The following PRKG2 variants were observed in gnomAD, a reference collection of about 807,000 sequenced individuals.
PRKG2 encodes the protein protein kinase cGMP-dependent 2.
In PRKG2, 33 loss-of-function variants were observed where a neutral mutation model predicts 97.2. The ratio of observed to expected loss-of-function variants is 0.34; its 90% CI spans 0.26 to 0.45. The LOEUF is 0.45. Ranked by LOEUF, PRKG2 falls within the 20% of genes least tolerant of loss-of-function variation. PRKG2 has a pLI of 1.00. For missense variants in PRKG2, 638 were observed against 900.0 expected (o/e 0.71, Z 3.73); for synonymous variants, 330 against 321.8 (o/e 1.03, Z -0.27).
chr4:81,111,603 A>G (rs1362007806), intron 14 of PRKG2, among the ~76,000 whole-genome samples: 3 of 151,670 alleles, frequency 2.0e-5, no homozygotes, highest in East Asian at 3.9e-4. Context: ...AGGATTAGGA[A>G]CTCTCCCAGG....
intron 6 of PRKG2, among the ~76,000 whole-genome samples, chr4:81,163,782 T>C (rs75321822): frequency 0.11 from 16,541 of 152,020 alleles, 1,100 homozygotes; most frequent in Middle Eastern, 0.2. Context: ...ATCTTCTTTA[T>C]AAGTATCTTG....
At chr4:81,179,335 G>C (rs1020339950) in intron 2 of PRKG2, among the ~76,000 whole-genome samples, 1 of 152,060 alleles carries the variant, frequency 6.6e-6, no homozygotes, top group African/African-American at 2.4e-5. Flanking sequence ...ACTTTCAAAT[G>C]ACTAACTTAC....
At chr4:81,166,064 T>C (rs898039153) in intron 6 of PRKG2, among the ~76,000 whole-genome samples, 1 of 152,052 alleles carries the variant, frequency 6.6e-6, no homozygotes. Context: ...GGCTAAGCAA[T>C]CTTCTTGAAA....
intron 2 of PRKG2, among the ~76,000 whole-genome samples, chr4:81,189,553 T>C (rs373189599): frequency 8.0e-5 from 12 of 149,522 alleles, no homozygotes; most frequent in African/African-American, 2.3e-4. Context: ...TAGGTGGGAA[T>C]TGAACAATGA....
At chr4:81,129,073 C>G (rs1158419744) in intron 14 of PRKG2, among the ~76,000 whole-genome samples, 1 of 152,114 alleles carries the variant, frequency 6.6e-6, no homozygotes, top group Admixed American at 6.6e-5. Flanking sequence ...TTGTTATTTA[C>G]CCAGTAGTCA....
intron 17 of PRKG2, among the ~76,000 whole-genome samples, chr4:81,102,699 C>G (rs1236860513): frequency 6.6e-6 from 1 of 152,018 alleles, no homozygotes; most frequent in Non-Finnish European, 1.5e-5. Context: ...AGGCAGAGCT[C>G]AATATGAATT....
intron 14 of PRKG2, among the ~76,000 whole-genome samples, chr4:81,118,606 G>A (rs1036603189): frequency 6.6e-6 from 1 of 152,126 alleles, no homozygotes; most frequent in Admixed American, 6.5e-5. Flanking sequence ...GTGGTGAGGT[G>A]TCTCTTCAGG....
rs1741289143 is a variant in PRKG2 at position 81,088,774 on chromosome 4, A to G, written c.*934T>C. On this transcript the variant is annotated 3_prime_UTR_variant, in exon 19 of 19. Transcript: ENST00000264399. Reference sequence around the variant, plus strand: ...CGATGATTCTATACAATTTTGGTTTATTAATAGCAACTATCACAGAATTTT... The same window carrying G: ...CGATGATTCTATACAATTTTGGTTTGTTAATAGCAACTATCACAGAATTTT... 1 of 152,226 alleles carries G rather than the reference A, an allele frequency of 6.6e-6. No homozygotes were observed. Among genetic ancestry groups the G allele is most frequent in the Admixed American group, 6.5e-5 (1 of 15,278 alleles). 9.4% of individuals were successfully genotyped at this position (152,226 alleles called of 1,614,324 possible).
intron 2 of PRKG2, among the ~76,000 whole-genome samples, chr4:81,189,873 A>G (rs1009556762): frequency 6.6e-6 from 1 of 152,166 alleles, no homozygotes; most frequent in Admixed American, 6.6e-5. Context: ...CTTACAAGGG[A>G]TGTGAAGGAC....
At position 81,171,258 on chromosome 4, in the gene PRKG2, G is replaced by T. The variant is rs369929395; in HGVS notation, c.742+433C>A. Among the ~76,000 whole-genome samples, 51 of 151,036 alleles carry T rather than the reference G, an allele frequency of 3.4e-4. 1 individual carries two copies. The South Asian group carries it at 0.011, about 32-fold the overall frequency. On this transcript the variant is annotated intron_variant, in intron 4 of 18. Coordinates refer to ENST00000264399, the MANE Select transcript of PRKG2 (RefSeq NM_006259.3). ...AACGCCCACTTATAAGTAAGAACAT[G>T]CAGTGTTTGCTTTTCTGTTCCTGTG...
At chr4:81,131,285 C>T (rs1746152822) in intron 14 of PRKG2, among the ~76,000 whole-genome samples, 2 of 149,462 alleles carry the variant, frequency 1.3e-5, no homozygotes, top group South Asian at 4.1e-4. Flanking sequence ...GACATTCCAC[C>T]CTGCTTCAGC....
chr4:81,105,563 C>T (rs1201017339), intron 16 of PRKG2, among the ~76,000 whole-genome samples: 1 of 152,000 alleles, frequency 6.6e-6, no homozygotes, highest in East Asian at 1.9e-4. Flanking sequence ...AAAGATGATA[C>T]CCAAAGGTTG....
At chr4:81,209,094 G>C (rs1753835399) in intron 1 of PRKG2, among the ~76,000 whole-genome samples, 1 of 152,154 alleles carries the variant, frequency 6.6e-6, no homozygotes, top group South Asian at 2.1e-4. Flanking sequence ...CTAGAAGAGA[G>C]GAAACTACAT....
chr4:81,149,321 G>A (rs1748160627), intron 8 of PRKG2, among the ~76,000 whole-genome samples: 1 of 152,122 alleles, frequency 6.6e-6, no homozygotes, highest in South Asian at 2.1e-4. Flanking sequence ...TAACTTATCA[G>A]AGAAATGTAT....
At chr4:81,210,212 TAGAC>T in intron 1 of PRKG2, among the ~76,000 whole-genome samples, 1 of 151,200 alleles carries the variant, frequency 6.6e-6, no homozygotes, top group East Asian at 1.9e-4. Context: ...GCCTGATTCA[TAGAC>T]AGAAAAAATT....
At chr4:81,158,983 G>A (rs939678714) in intron 6 of PRKG2, among the ~76,000 whole-genome samples, 19 of 151,048 alleles carry the variant, frequency 1.3e-4, no homozygotes, top group Non-Finnish European at 4.4e-5. Flanking sequence ...AGACTTAAAC[G>A]TTAGACCTAA....
At chr4:81,165,800 T>A (rs755661425) in intron 6 of PRKG2, among the ~76,000 whole-genome samples, 14 of 152,158 alleles carry the variant, frequency 9.2e-5, no homozygotes, top group Admixed American at 2.0e-4. Context: ...CTGTGGCTGC[T>A]ATAAATACGT....
At chr4:81,192,937 G>T (rs1752668662) in intron 2 of PRKG2, 1 of 152,196 alleles carries the variant, frequency 6.6e-6, no homozygotes, top group South Asian at 2.1e-4. Flanking sequence ...GCTTCAGGAA[G>T]TTTAACTTGG....
intron 6 of PRKG2, among the ~76,000 whole-genome samples, chr4:81,165,928 CA>C (rs957212354): frequency 5.3e-5 from 8 of 149,742 alleles, no homozygotes; most frequent in Middle Eastern, 3.4e-3. Context: ...CCTTGGTTAA[CA>C]AAAAAAACTA....
Sources: gnomAD v4.1 joint callset for allele counts (sites outside exome capture counted in the v4.1 genomes callset) on GRCh38, gnomAD v4.1.1 for gene constraint, MANE v1.5 for transcripts, NCBI Gene and HGNC (gene_info 2026-07-23, HGNC 2026-07-21) for gene names.